ERG: variants seen among roughly 807,000 people sequenced by gnomAD.
The protein encoded by ERG is transcriptional regulator ERG.
ERG carries 9 observed loss-of-function variants against 55.3 expected under a neutral mutation model. The observed-to-expected ratio is 0.16, with a 90% confidence interval of 0.10 to 0.28. The LOEUF is 0.28. Among genes scored for constraint, ERG ranks in the 10% least tolerant of loss-of-function variants. The pLI is 1.00. For synonymous variants in ERG, 223 were observed against 237.3 expected, an observed-to-expected ratio of 0.94 and a Z score of 0.55; for missense variants, 434 against 631.6, an observed-to-expected ratio of 0.69 and a Z score of 3.35.
rs998123965 is a variant in ERG at position 38,381,211 on chromosome 21, G to GA, written c.*2191dup. 6 of 1,064,952 alleles carry GA rather than the reference G, an allele frequency of 5.6e-6. No individual in the cohort carries two copies. Among genetic ancestry groups the GA allele is most frequent in the South Asian group, 4.6e-5 (1 of 21,978 alleles). The allele number at this position is 1,064,952 out of a possible 1,614,324, so 66.0% of individuals were successfully genotyped here. A position where few individuals can be genotyped will look rare whatever the true frequency, so the allele number is the denominator to read the frequency against. ...AATCATAGCAAAAGGACTGCAACGT[G>GA]AAAAAAACAGGCCCTGAAACAGCTA... On this transcript the variant is annotated 3_prime_UTR_variant, in exon 10 of 10. Coordinates refer to ENST00000288319, the MANE Select transcript of ERG (RefSeq NM_182918.4).
chr21:38,550,821 A>G (rs936608879), intron 2 of ERG, among the ~76,000 whole-genome samples: 1 of 152,196 alleles, frequency 6.6e-6, no homozygotes, highest in Non-Finnish European at 1.5e-5. Context: ...GGGTTCACAC[A>G]AGGTTTGTGA....
intron 1 of ERG, among the ~76,000 whole-genome samples, chr21:38,647,381 A>G (rs1245263984): frequency 6.6e-6 from 1 of 152,224 alleles, no homozygotes; most frequent in African/African-American, 2.4e-5. Context: ...ATCCTCAAGG[A>G]GGCTAAAATT....
upstream of ERG, chr21:38,498,566 T>C (rs978609231): frequency 9.6e-6 from 12 of 1,251,112 alleles, no homozygotes; most frequent in Non-Finnish European, 1.2e-5. The surrounding 1 kb of genome is among the most constrained non-coding windows in gnomAD (Gnocchi z 4.6). Flanking sequence ...AGAAACAGGA[T>C]ATTTGGGAGT....
In ERG at chr21:38,445,361, A is replaced by G. The variant is rs759110993; in HGVS notation, c.236+43T>C. The G allele has an allele frequency of 8.5e-6, 13 of 1,521,078 alleles. No individual in the cohort carries two copies. The Admixed American group carries it at 2.1e-4, about 24-fold the overall frequency. The allele number at this position is 1,521,078 out of a possible 1,614,324, so 94.2% of individuals were successfully genotyped here. On this transcript the variant is annotated intron_variant, in intron 2 of 9. Transcript: ENST00000288319. ...CCACTTTGCCTTTGCAAAGGATAGG[A>G]AAATGGGAGGTCAGGGAGAGAAAGG...
At chr21:38,453,808 C>T (rs1031048860) in intron 1 of ERG, among the ~76,000 whole-genome samples, 6 of 148,086 alleles carry the variant, frequency 4.1e-5, no homozygotes, top group East Asian at 4.0e-4. Context: ...CGCTTGAACC[C>T]GGGAGGGGGA....
chr21:38,411,292 T>C (rs1034550764), intron 3 of ERG, among the ~76,000 whole-genome samples: 2 of 152,204 alleles, frequency 1.3e-5, no homozygotes, highest in Non-Finnish European at 2.9e-5. Context: ...GGCCAGTGAA[T>C]AGAGTCTGTA....
chr21:38,570,714 G>C (rs550692850), intron 2 of ERG, among the ~76,000 whole-genome samples: 2 of 152,316 alleles, frequency 1.3e-5, no homozygotes, highest in Non-Finnish European at 2.9e-5. Flanking sequence ...ATCAGAGCAG[G>C]ATTTGAATTG....
intron 1 of ERG, among the ~76,000 whole-genome samples, chr21:38,620,798 G>A (rs952971627): frequency 4.6e-5 from 7 of 152,182 alleles, no homozygotes; most frequent in Middle Eastern, 3.2e-3. Flanking sequence ...GAGTGGTTCC[G>A]CAGCAGCAGG....
At chr21:38,528,728 G>A (rs180991032) in intron 2 of ERG, among the ~76,000 whole-genome samples, 876 of 40,480 alleles carry the variant, frequency 0.022, 281 homozygotes, top group Admixed American at 0.2. Context: ...GATTACAGGC[G>A]TGAGCCACCG....
chr21:38,638,248 C>T (rs866825742), intron 1 of ERG, among the ~76,000 whole-genome samples: 1 of 152,176 alleles, frequency 6.6e-6, no homozygotes, highest in African/African-American at 2.4e-5. Flanking sequence ...AATAACAGAG[C>T]CCCTCCCAGT....
At chr21:38,611,658 C>T (rs1192047677) in intron 1 of ERG, among the ~76,000 whole-genome samples, 1 of 152,154 alleles carries the variant, frequency 6.6e-6, no homozygotes, top group East Asian at 1.9e-4. Flanking sequence ...CCATTTGCTG[C>T]CTCTGCCTCA....
intron 1 of ERG, among the ~76,000 whole-genome samples, chr21:38,580,868 G>A (rs1013614468): frequency 6.2e-5 from 9 of 144,236 alleles, no homozygotes; most frequent in African/African-American, 2.4e-4. Context: ...TTGCAGGGCT[G>A]GTGCAAGAAA....
intron 3 of ERG, among the ~76,000 whole-genome samples, chr21:38,410,075 G>A (rs1988975201): frequency 6.6e-6 from 1 of 152,208 alleles, no homozygotes; most frequent in South Asian, 2.1e-4. Flanking sequence ...AAGTAAATGA[G>A]ATAATGGATG....
intron 1 of ERG, among the ~76,000 whole-genome samples, chr21:38,598,249 T>C (rs190175937): frequency 6.6e-6 from 1 of 152,200 alleles, no homozygotes; most frequent in South Asian, 2.1e-4. Context: ...GCCACCTGCA[T>C]CAGAATCGCT....
chr21:38,377,546 C>A (rs1052000757), downstream of ERG, among the ~76,000 whole-genome samples: 1 of 152,196 alleles, frequency 6.6e-6, no homozygotes, highest in African/African-American at 2.4e-5. Flanking sequence ...AGTAGAAAAA[C>A]CAAAAATTAA....
chr21:38,520,208 G>A (rs1446412065), intron 2 of ERG, among the ~76,000 whole-genome samples: 8 of 152,138 alleles, frequency 5.3e-5, no homozygotes, highest in Admixed American at 2.6e-4. Context: ...TAGATATGAA[G>A]CATCAGGAGT....
intron 1 of ERG, among the ~76,000 whole-genome samples, chr21:38,487,850 T>C (rs1311164630): frequency 6.6e-6 from 1 of 152,132 alleles, no homozygotes; most frequent in Non-Finnish European, 1.5e-5. Flanking sequence ...AAGAAATGAG[T>C]CCCTAAAGGA....
intron 1 of ERG, among the ~76,000 whole-genome samples, chr21:38,630,339 T>C (rs185280225): frequency 1.3e-5 from 2 of 152,298 alleles, no homozygotes; most frequent in African/African-American, 4.8e-5. Context: ...CAGATAGGCC[T>C]GGTATGATTA....
At chr21:38,385,357 A>G (rs979230084) in intron 9 of ERG, among the ~76,000 whole-genome samples, 3 of 152,224 alleles carry the variant, frequency 2.0e-5, no homozygotes, top group Admixed American at 6.5e-5. Context: ...ACCTTTTATT[A>G]TAGTGTAAGT....
Sources: gnomAD v4.1 joint callset for allele counts (sites outside exome capture counted in the v4.1 genomes callset) on GRCh38, gnomAD v4.1.1 for gene constraint, Gnocchi (gnomAD v3.1) non-coding constraint, MANE v1.5 for transcripts, NCBI Gene and HGNC (gene_info 2026-07-23, HGNC 2026-07-21) for gene names.